Variants in UGT1A6 observed in about 807,000 individuals in gnomAD.
The protein encoded by UGT1A6 is UDP-glucuronosyltransferase 1A6.
A neutral mutation model predicts 44.4 loss-of-function variants in UGT1A6; 32 were observed. The ratio of observed to expected loss-of-function variants is 0.72; its 90% CI spans 0.54 to 0.97. The LOEUF (loss-of-function observed/expected upper bound fraction) is 0.97. Ranked by LOEUF, UGT1A6 falls within the 50% of genes least tolerant of loss-of-function variation. The pLI, the probability that UGT1A6 is intolerant of heterozygous loss-of-function variation, is 0.00. For missense variants in UGT1A6, 685 were observed against 661.9 expected (o/e 1.03, Z -0.38); for synonymous variants, 238 against 248.5 (o/e 0.96, Z 0.40).
chr2:233,706,171 T>C (rs2125603057), intron 1 of UGT1A6, among the ~76,000 whole-genome samples: 1 of 152,154 alleles, frequency 6.6e-6, no homozygotes, highest in Non-Finnish European at 1.5e-5. Context: ...ATGTGGAATG[T>C]GGTGTGTCTG....
rs527483899 is a variant in UGT1A6 at position 233,768,298 on chromosome 2, T to C, written c.1160T>C (p.Met387Thr). Reference sequence around the variant, plus strand: ...GAAAGCATATGCAATGGCGTTCCCATGGTGATGATGCCCTTGTTTGGTGAT... The same window carrying C: ...GAAAGCATATGCAATGGCGTTCCCACGGTGATGATGCCCTTGTTTGGTGAT... ...VYESICNGVP[M>T]VMMPLFGDQM... The change falls in exon 4 of 5, where the codon ATG becomes ACG. Residue 387 changes from methionine to threonine, a missense_variant. Physicochemically the swap from Met to Thr is moderately conservative, Grantham distance 81. Coordinates refer to ENST00000305139, the MANE Select transcript of UGT1A6 (RefSeq NM_001072.4). 2.2e-5 allele frequency: 35 copies of C among 1,614,192 alleles called. No individual in the cohort carries two copies. In the South Asian group the frequency reaches 3.4e-4, roughly 16 times the overall value.
chr2:233,729,701 C>G, intron 1 of UGT1A6: 1 of 1,613,960 alleles, frequency 6.2e-7, no homozygotes. Flanking sequence ...AACCCTTCCT[C>G]CTATATTCCT....
At chr2:233,754,193 TA>T (rs1341563622) in intron 1 of UGT1A6, 2 of 162,294 alleles carry the variant, frequency 1.2e-5, no homozygotes, top group African/African-American at 4.8e-5. Context: ...CACCACACAG[TA>T]AAACATTGAA....
intron 1 of UGT1A6, among the ~76,000 whole-genome samples, chr2:233,715,001 C>G (rs1309641293): frequency 6.6e-6 from 1 of 152,178 alleles, no homozygotes; most frequent in Admixed American, 6.5e-5. Context: ...CTCAGCCTCC[C>G]AAGTAGCTGG....
intron 1 of UGT1A6, among the ~76,000 whole-genome samples, chr2:233,759,577 C>A (rs970785241): frequency 2.6e-5 from 4 of 151,886 alleles, no homozygotes; most frequent in Admixed American, 2.6e-4. Flanking sequence ...CATTCTCTAC[C>A]CCAGCACGCC....
At chr2:233,767,659 C>G (rs975874168) in intron 2 of UGT1A6, among the ~76,000 whole-genome samples, 190 bp from the exon 3 acceptor site, 4 of 152,186 alleles carry the variant, frequency 2.6e-5, no homozygotes, top group African/African-American at 9.7e-5. Context: ...TGCATACACC[C>G]TTGTAACTAA....
At chr2:233,719,282 TAACCTCTGTGGGGC>T (rs1452808261) in intron 1 of UGT1A6, 2 of 1,614,148 alleles carry the variant, frequency 1.2e-6, no homozygotes, top group Non-Finnish European at 1.7e-6. Flanking sequence ...CAGACCCCGT[TAACCTCTGTGGGGC>T]GGTGCTGGCT....
chr2:233,761,087 C>T, intron 1 of UGT1A6: 1 of 1,614,136 alleles, frequency 6.2e-7, no homozygotes. Context: ...TACCCTAGGC[C>T]CATCATGCCC....
intron 1 of UGT1A6, among the ~76,000 whole-genome samples, chr2:233,757,619 A>G (rs1437494515): frequency 1.3e-5 from 2 of 148,966 alleles, no homozygotes; most frequent in African/African-American, 2.5e-5. Flanking sequence ...CTGCTAAAAG[A>G]TACAAGGCAG....
At chr2:233,725,976 G>T (rs553044783) in intron 1 of UGT1A6, among the ~76,000 whole-genome samples, 1 of 152,162 alleles carries the variant, frequency 6.6e-6, no homozygotes, top group Non-Finnish European at 1.5e-5. Flanking sequence ...GAGCAGCCTG[G>T]GAAACGTGCT....
At chr2:233,751,309 A>G (rs1694697613) in intron 1 of UGT1A6, among the ~76,000 whole-genome samples, 1 of 151,862 alleles carries the variant, frequency 6.6e-6, no homozygotes, top group African/African-American at 2.4e-5. Context: ...ATATTTACCC[A>G]ATTTCTGTAC....
chr2:233,714,477 G>A (rs45505392), intron 1 of UGT1A6, among the ~76,000 whole-genome samples: 3,267 of 152,154 alleles, frequency 0.021, 113 homozygotes, highest in African/African-American at 0.075. Context: ...ATAGGAGAAT[G>A]TTTCTTGTGA....
chr2:233,723,176 A>G (rs1210929183), intron 1 of UGT1A6, among the ~76,000 whole-genome samples: 2 of 134,084 alleles, frequency 1.5e-5, no homozygotes, highest in African/African-American at 5.9e-5. Context: ...TGCCCAAACC[A>G]TAGAAGGGTC....
In UGT1A6 at chr2:233,769,262, G is replaced by C. The variant is rs1197405588; in HGVS notation, c.1301+823G>C. On this transcript the variant is annotated intron_variant, in intron 4 of 4. Transcript: ENST00000305139. This position sits in a 1 kb window ranked among gnomAD's most constrained non-coding sequence, Gnocchi z 4.4. The stretch of plus-strand genomic sequence containing the variant: ...TTTGCTCAAATGTGGCCCTGAAAAC[G>C]ATTCAAAGGGCAAATGATTTCTGGA... Among the ~76,000 whole-genome samples the C allele has an allele frequency of 6.6e-6, 1 of 152,184 alleles. No homozygotes were observed. Among genetic ancestry groups the C allele is most frequent in the Non-Finnish European group, 1.5e-5 (1 of 68,036 alleles).
chr2:233,734,406 C>A (rs543210294), intron 1 of UGT1A6, among the ~76,000 whole-genome samples: 1 of 152,048 alleles, frequency 6.6e-6, no homozygotes, highest in East Asian at 1.9e-4. Flanking sequence ...CTATTTGATT[C>A]TTCTCTCTTT....
chr2:233,738,357 G>C (rs1375014777), intron 1 of UGT1A6, among the ~76,000 whole-genome samples: 1 of 152,206 alleles, frequency 6.6e-6, no homozygotes, highest in Non-Finnish European at 1.5e-5. Flanking sequence ...GGAGAGTGGG[G>C]TACTGCTATA....
At chr2:233,704,839 G>C (rs561823899) in intron 1 of UGT1A6, among the ~76,000 whole-genome samples, 8 of 151,956 alleles carry the variant, frequency 5.3e-5, no homozygotes, top group Admixed American at 5.3e-4. Flanking sequence ...TTTAAAATCA[G>C]TTAAGAGAAT....
chr2:233,741,869 C>T (rs992161093), intron 1 of UGT1A6: 4 of 151,862 alleles, frequency 2.6e-5, no homozygotes, highest in African/African-American at 7.3e-5. Flanking sequence ...CAAACCTTTC[C>T]TCAGAGGTGA....
rs545178357 is a variant in UGT1A6 at position 233,762,901 on chromosome 2, A to C, written c.862-4133A>C. ...TCTTATAAATTCCATGCCAAATATC[A>C]GGGCTATTGAATTTATTAGAATCTC... On this transcript the variant is annotated intron_variant, in intron 1 of 4. Coordinates refer to ENST00000305139, the MANE Select transcript of UGT1A6 (RefSeq NM_001072.4). Among the ~76,000 whole-genome samples the C allele has an allele frequency of 3.3e-5, 5 of 152,312 alleles. No homozygotes were observed. In the South Asian group the frequency reaches 1.0e-3, roughly 32 times the overall value.
Sources: gnomAD v4.1 joint callset for allele counts (sites outside exome capture counted in the v4.1 genomes callset) on GRCh38, gnomAD v4.1.1 for gene constraint, Gnocchi (gnomAD v3.1) non-coding constraint, MANE v1.5 for transcripts, NCBI Gene and HGNC (gene_info 2026-07-23, HGNC 2026-07-21) for gene names.